The following ITFG1 variants were observed in gnomAD, a reference collection of about 807,000 sequenced individuals.
ITFG1 encodes the protein integrin alpha FG-GAP repeat containing 1, also known as T-cell immunomodulatory protein.
ITFG1 carries 34 observed loss-of-function variants against 81.8 expected under a neutral mutation model. That is an observed-to-expected ratio of 0.42 (90% confidence interval 0.32 to 0.55). The LOEUF is 0.55. Among genes scored for constraint, ITFG1 ranks in the 20% least tolerant of loss-of-function variants. ITFG1 has a pLI of 0.17. For missense variants in ITFG1, 672 were observed against 755.4 expected, an observed-to-expected ratio of 0.89 and a Z score of 1.29; for synonymous variants, 285 against 270.6, an observed-to-expected ratio of 1.05 and a Z score of -0.52.
At chr16:47,199,213 GC>G (rs1965394393) in intron 14 of ITFG1, among the ~76,000 whole-genome samples, 1 of 152,074 alleles carries the variant, frequency 6.6e-6, no homozygotes, top group Admixed American at 6.6e-5. Flanking sequence ...GTTGCAGTGA[GC>G]CGAGATCACG....
intron 14 of ITFG1, among the ~76,000 whole-genome samples, chr16:47,184,908 G>C (rs1001752736): frequency 4.0e-5 from 6 of 151,868 alleles, no homozygotes; most frequent in Non-Finnish European, 7.4e-5. Flanking sequence ...GACACACATA[G>C]GCTCAAAATA....
At chr16:47,308,598 A>G (rs1207632147) in intron 10 of ITFG1, among the ~76,000 whole-genome samples, 4 of 152,218 alleles carry the variant, frequency 2.6e-5, no homozygotes, top group African/African-American at 7.2e-5. Flanking sequence ...AACCCATGAA[A>G]AACGATGGTA....
intron 8 of ITFG1, among the ~76,000 whole-genome samples, chr16:47,349,599 A>G (rs1967918445): frequency 6.6e-6 from 1 of 152,212 alleles, no homozygotes; most frequent in South Asian, 2.1e-4. Context: ...AGACTCCCAC[A>G]CAATAATAAT....
chr16:47,287,169 C>T (rs1034305583), intron 10 of ITFG1, among the ~76,000 whole-genome samples: 15 of 152,096 alleles, frequency 9.9e-5, no homozygotes, highest in Non-Finnish European at 2.2e-4. Context: ...ACTCTGTACA[C>T]CATACAGAGA....
chr16:47,352,708 G>C (rs1967979203), intron 8 of ITFG1, among the ~76,000 whole-genome samples: 1 of 152,250 alleles, frequency 6.6e-6, no homozygotes, highest in African/African-American at 2.4e-5. Context: ...CCATTACTGG[G>C]TATATACCCA....
At chr16:47,352,327 T>C (rs1430977623) in intron 8 of ITFG1, among the ~76,000 whole-genome samples, 1 of 152,004 alleles carries the variant, frequency 6.6e-6, no homozygotes, top group Non-Finnish European at 1.5e-5. Flanking sequence ...AGGGGTAATA[T>C]CCCAAATCTA....
At position 47,393,864 on chromosome 16, in the gene ITFG1, T is replaced by C. The variant is rs376182694; in HGVS notation, c.656-17924A>G. On this transcript the variant is annotated intron_variant, in intron 6 of 17. Coordinates refer to ENST00000320640, the MANE Select transcript of ITFG1 (RefSeq NM_030790.5). Reference sequence around the variant, plus strand: ...GTTTTGGAGATTAAGGGGTTGCCTATAGGTAAACATAACACACTAACATAT... The same window carrying C: ...GTTTTGGAGATTAAGGGGTTGCCTACAGGTAAACATAACACACTAACATAT... 3.3e-4 allele frequency among the ~76,000 whole-genome samples: 50 copies of C among 152,328 alleles called. 1 individual carries two copies. The South Asian group carries it at 9.3e-3, about 28-fold the overall frequency.
intron 14 of ITFG1, among the ~76,000 whole-genome samples, chr16:47,165,682 C>T (rs1298031196): frequency 6.6e-6 from 1 of 152,114 alleles, no homozygotes; most frequent in Non-Finnish European, 1.5e-5. Context: ...CCCACCTCTA[C>T]AAAAAATACA....
At chr16:47,453,275 A>T (rs1969411747) in intron 3 of ITFG1, among the ~76,000 whole-genome samples, 1 of 152,192 alleles carries the variant, frequency 6.6e-6, no homozygotes, top group Admixed American at 6.5e-5. Flanking sequence ...ACATGACTGA[A>T]ATTTGGCTCC....
rs537826821 is a variant in ITFG1 at position 47,403,430 on chromosome 16, G to C, written c.655+25374C>G. On this transcript the variant is annotated intron_variant, in intron 6 of 17. Coordinates refer to ENST00000320640, the MANE Select transcript of ITFG1 (RefSeq NM_030790.5). ...TTTTTTTTAAAAAAAAGGAGGTTAG[G>C]GGGTGACGCTTTAGCTACATTAAAA... 2.0e-5 allele frequency among the ~76,000 whole-genome samples: 3 copies of C among 152,042 alleles called. No homozygotes were observed. In the East Asian group the frequency reaches 5.8e-4, roughly 29 times the overall value.
At chr16:47,293,196 A>T (rs1280478357) in intron 10 of ITFG1, among the ~76,000 whole-genome samples, 1 of 147,266 alleles carries the variant, frequency 6.8e-6, no homozygotes, top group Non-Finnish European at 1.5e-5. Flanking sequence ...TATATATTAT[A>T]TATCATATAT....
chr16:47,317,910 C>A (rs913008123), intron 8 of ITFG1: 1 of 152,104 alleles, frequency 6.6e-6, no homozygotes, highest in Non-Finnish European at 1.5e-5. Context: ...AATCTCATGT[C>A]TTTTAGACAC....
intron 17 of ITFG1, among the ~76,000 whole-genome samples, chr16:47,158,597 T>C (rs930223866): frequency 2.0e-5 from 3 of 152,218 alleles, no homozygotes; most frequent in Admixed American, 2.0e-4. Flanking sequence ...TAAATGCCTT[T>C]TGATTTCCGG....
At chr16:47,404,921 T>C (rs1233400066) in intron 6 of ITFG1, among the ~76,000 whole-genome samples, 1 of 152,166 alleles carries the variant, frequency 6.6e-6, no homozygotes, top group Non-Finnish European at 1.5e-5. Context: ...TTGGCCTTTC[T>C]TATTTTTGAT....
Position 47,169,808 on chromosome 16 carries a change from T to C in ITFG1, c.1454-7144A>G, listed in dbSNP as rs554481532. Among the ~76,000 whole-genome samples, 103 of 152,350 alleles carry C rather than the reference T, an allele frequency of 6.8e-4. 1 individual carries two copies. The highest frequency in any genetic ancestry group is 2.4e-3 in the African/African-American group (98 of 41,578). On this transcript the variant is annotated intron_variant, in intron 14 of 17. Transcript: ENST00000320640. The stretch of plus-strand genomic sequence containing the variant: ...AGCTTTTCATCATACAGGATGATAT[T>C]AGCTGTGATTTTTCTTATAAATGCC...
chr16:47,451,482 T>G lies in ITFG1; in HGVS notation c.486-12A>C, dbSNP rs781421211. On this transcript the variant is annotated splice_polypyrimidine_tract_variant and intron_variant, in intron 4 of 17. Transcript: ENST00000320640. Reference sequence around the variant, plus strand: ...GATCACCATTGAAACTGAAAAAAAATTAAAACAATAAGCAGCTATTTCTTT... The same window carrying G: ...GATCACCATTGAAACTGAAAAAAAAGTAAAACAATAAGCAGCTATTTCTTT... 3 of 1,385,578 alleles carry G rather than the reference T, an allele frequency of 2.2e-6. No homozygotes were observed. In the South Asian group the frequency reaches 3.7e-5, roughly 17 times the overall value. 85.8% of individuals were successfully genotyped at this position (1,385,578 alleles called of 1,614,324 possible). A position where few individuals can be genotyped will look rare whatever the true frequency, so the allele number is the denominator to read the frequency against.
At chr16:47,230,775 G>C (rs995976912) in intron 13 of ITFG1, among the ~76,000 whole-genome samples, 1 of 152,202 alleles carries the variant, frequency 6.6e-6, no homozygotes, top group African/African-American at 2.4e-5. Flanking sequence ...TTGAGACGGA[G>C]TCTCGCTCTG....
intron 8 of ITFG1, among the ~76,000 whole-genome samples, chr16:47,347,781 GGGAGGCAC>G (rs1967880476): frequency 6.6e-6 from 1 of 152,194 alleles, no homozygotes; most frequent in Non-Finnish European, 1.5e-5. Context: ...TAGCCTATCT[GGGAGGCAC>G]CCCCAAGTAG....
intron 6 of ITFG1, among the ~76,000 whole-genome samples, chr16:47,413,195 G>A (rs1968832789): frequency 6.6e-6 from 1 of 152,146 alleles, no homozygotes; most frequent in African/African-American, 2.4e-5. Flanking sequence ...GAAGAGACTG[G>A]GGGCCTATTT....
Sources: gnomAD v4.1 joint callset for allele counts (sites outside exome capture counted in the v4.1 genomes callset) on GRCh38, gnomAD v4.1.1 for gene constraint, MANE v1.5 for transcripts, NCBI Gene and HGNC (gene_info 2026-07-23, HGNC 2026-07-21) for gene names.